Variants in KEAP1 observed in about 807,000 individuals in gnomAD.
KEAP1 encodes kelch like ECH associated protein 1, also known as kelch-like ECH-associated protein 1.
Under a neutral mutation model 59.7 loss-of-function variants are expected in KEAP1, and 26 were observed. The ratio of observed to expected loss-of-function variants is 0.44; its 90% CI spans 0.32 to 0.60. The LOEUF is 0.60. KEAP1 is among the 20% of genes least tolerant of loss of function. The pLI, the probability that KEAP1 is intolerant of heterozygous loss-of-function variation, is 0.06. For missense variants in KEAP1, 539 were observed against 871.4 expected (o/e 0.62, Z 4.80); for synonymous variants, 350 against 358.3 (o/e 0.98, Z 0.26).
At chr19:10,498,603 T>C (rs1218803474) in intron 2 of KEAP1, among the ~76,000 whole-genome samples, 2 of 152,124 alleles carry the variant, frequency 1.3e-5, no homozygotes, top group Non-Finnish European at 2.9e-5. Flanking sequence ...AAAGAAAACA[T>C]GACTAAGGTT....
At chr19:10,497,642 G>A (rs1441684893) in intron 2 of KEAP1, among the ~76,000 whole-genome samples, 3 of 152,132 alleles carry the variant, frequency 2.0e-5, no homozygotes, top group Admixed American at 6.5e-5. Context: ...CCAACACTAC[G>A]GGAGGCCAAA....
rs898667584 is a variant in KEAP1, at chr19:10,489,061, C to T, written c.1708+131G>A. The T allele has an allele frequency of 8.5e-5, 68 of 796,022 alleles. No homozygotes were observed. In the African/African-American group the frequency reaches 1.1e-3, roughly 12 times the overall value. 49.3% of individuals were successfully genotyped at this position (796,022 alleles called of 1,614,324 possible). ...AGCGAGCTGTGATCACACCACTGCA[C>T]TCCAGCTGGGCAACAGAGCGAGACC... On this transcript the variant is annotated intron_variant, in intron 5 of 5. Coordinates refer to ENST00000171111, the MANE Select transcript of KEAP1 (RefSeq NM_203500.2).
intron 5 of KEAP1, among the ~76,000 whole-genome samples, chr19:10,488,147 C>A (rs985929511): frequency 1.3e-5 from 2 of 151,470 alleles, no homozygotes; most frequent in South Asian, 4.2e-4. Context: ...ATTAGCTAGG[C>A]GTGGTGGCAC....
At position 10,499,156 on chromosome 19, in the gene KEAP1, G is replaced by A. The variant is rs1189696728; in HGVS notation, c.639+239C>T. On this transcript the variant is annotated intron_variant, in intron 2 of 5. Transcript: ENST00000171111. The surrounding 1 kb of genome is among the most constrained non-coding windows in gnomAD (Gnocchi z 6.7). ...GGCCCCAGTTGTTTTTTGTTTGTGTGTTTGTTTGTTTAGAGACAGGGTGTC... is the reference window on the plus strand; with the variant it reads ...GGCCCCAGTTGTTTTTTGTTTGTGTATTTGTTTGTTTAGAGACAGGGTGTC... Among the ~76,000 whole-genome samples, 1 of 151,988 alleles carries A rather than the reference G, an allele frequency of 6.6e-6. No individual in the cohort carries two copies. Among genetic ancestry groups the A allele is most frequent in the African/African-American group, 2.4e-5 (1 of 41,388 alleles).
At chr19:10,498,622 C>G (rs1266055328) in intron 2 of KEAP1, among the ~76,000 whole-genome samples, 1 of 152,184 alleles carries the variant, frequency 6.6e-6, no homozygotes, top group African/African-American at 2.4e-5. Flanking sequence ...TTCAGACTTA[C>G]AGCTTGCAGC....
chr19:10,496,695 G>A lies in KEAP1; in HGVS notation c.639+2700C>T, dbSNP rs144161253. Among the ~76,000 whole-genome samples, 747 of 151,594 alleles carry A rather than the reference G, an allele frequency of 4.9e-3. 10 individuals are homozygous for A. The highest frequency in any genetic ancestry group is 0.022 in the East Asian group (114 of 5,152). ...GCACCCCTGTAATCCCAGCTACTTC[G>A]GAGGCTGAGGCATGAGAATCGCTTG... On this transcript the variant is annotated intron_variant, in intron 2 of 5. Transcript: ENST00000171111.
Position 10,491,735 on chromosome 19 carries a change from G to A in KEAP1, c.1167C>T (p.Asp389=), listed in dbSNP as rs1464254910. ...GGTTGTAACAGTCCAGGGCGCTGGA[G>A]TCGGTGTTGCCGTCGGGCGAGTTGT... The part of the protein sequence containing the change: ...GRNNSPDGNT[D]SSALDCYNPM... Residue 389 remains aspartate, a synonymous_variant, in exon 3 of 6, where the codon GAC becomes GAT. Coordinates refer to ENST00000171111, the MANE Select transcript of KEAP1 (RefSeq NM_203500.2). The surrounding 1 kb of genome is among the most constrained non-coding windows in gnomAD (Gnocchi z 5.2). 1 of 1,568,660 alleles carries A rather than the reference G, an allele frequency of 6.4e-7. No individual in the cohort carries two copies. The highest frequency in any genetic ancestry group is 2.3e-5 in the East Asian group (1 of 42,626).
chr19:10,490,061 G>A (rs1914616746), intron 3 of KEAP1, among the ~76,000 whole-genome samples: 1 of 151,952 alleles, frequency 6.6e-6, no homozygotes, highest in African/African-American at 2.4e-5. Context: ...AGACCAGCCT[G>A]GCCAACATGG....
chr19:10,495,130 T>C (rs1914810511), intron 2 of KEAP1, among the ~76,000 whole-genome samples: 1 of 151,818 alleles, frequency 6.6e-6, no homozygotes, highest in South Asian at 2.1e-4. Context: ...CCCGGCTAAT[T>C]TTTGTATTTT....
intron 5 of KEAP1, among the ~76,000 whole-genome samples, chr19:10,488,324 A>G (rs1305074357): frequency 1.3e-5 from 2 of 151,260 alleles, no homozygotes; most frequent in African/African-American, 4.9e-5. Flanking sequence ...AATAAACAAA[A>G]ACATTAAGCT....
chr19:10,497,106 AGAGT>A (rs1914876737), intron 2 of KEAP1, among the ~76,000 whole-genome samples: 1 of 151,254 alleles, frequency 6.6e-6, no homozygotes. Context: ...CCTGGGTGAC[AGAGT>A]GAGACTCCGT....
chr19:10,491,797 C>G lies in KEAP1; in HGVS notation c.1105G>C (p.Val369Leu), dbSNP rs2144598978. The G allele has an allele frequency of 3.8e-6, 6 of 1,590,528 alleles. No homozygotes were observed. Among genetic ancestry groups the G allele is most frequent in the Non-Finnish European group, 5.1e-6 (6 of 1,168,854 alleles). ...ACGGCGTACAACAGCCCGCCCACCA[C>G]GCAGCCGGCCAGGCCGCTCCGCGGC... is the stretch of plus-strand genomic sequence containing the variant. Reference protein sequence around the residue: ...QVPRSGLAGCVVGGLLYAVGG... With the variant: ...QVPRSGLAGCLVGGLLYAVGG... Residue 369 changes from valine (V) to leucine (L), a missense_variant, in exon 3 of 6, where the codon GTG becomes CTG. Physicochemically the swap from Val to Leu is conservative, Grantham distance 32. Transcript: ENST00000171111. The surrounding 1 kb of genome is among the most constrained non-coding windows in gnomAD (Gnocchi z 5.2).
intron 2 of KEAP1, among the ~76,000 whole-genome samples, chr19:10,496,751 G>A (rs550030545): frequency 4.3e-4 from 65 of 151,596 alleles, no homozygotes; most frequent in African/African-American, 1.3e-3. Context: ...GCAGTGAGCC[G>A]AAATCTTGCC....
In KEAP1 at chr19:10,489,240, G is replaced by A. The variant is rs946921406; in HGVS notation, c.1660C>T (p.Arg554Ter). Residue 554 changes from arginine to a stop codon, truncating the protein, a stop_gained, in exon 5 of 6, where the codon CGA becomes TGA. Coordinates refer to ENST00000171111, the MANE Select transcript of KEAP1 (RefSeq NM_203500.2). LOFTEE classifies it high-confidence loss of function. ...TGGACAGTGATCCCCAGGGCACTTCGCCGGTGCTTCATGGGGGCTACGAAA... is the reference window on the plus strand; with the variant it reads ...TGGACAGTGATCCCCAGGGCACTTCACCGGTGCTTCATGGGGGCTACGAAA... ...WTFVAPMKHR[R>*]SALGITVHQG... 1.9e-6 allele frequency: 3 copies of A among 1,612,414 alleles called. No individual in the cohort carries two copies. The highest frequency in any genetic ancestry group is 1.3e-5 in the African/African-American group (1 of 74,816).
At position 10,486,355 on chromosome 19, in the gene KEAP1, G is replaced by C. The variant is rs1914461416; in HGVS notation, c.*297C>G. ...TGACAGCTGCCGGCATGGGTGAGTGGGACCCAGGCCTATTACCCGGCCAGA... is the reference window on the plus strand; with the variant it reads ...TGACAGCTGCCGGCATGGGTGAGTGCGACCCAGGCCTATTACCCGGCCAGA... On this transcript the variant is annotated 3_prime_UTR_variant, in exon 6 of 6. Coordinates refer to ENST00000171111, the MANE Select transcript of KEAP1 (RefSeq NM_203500.2). 2 of 324,804 alleles carry C rather than the reference G, an allele frequency of 6.2e-6. No individual in the cohort carries two copies. The highest frequency in any genetic ancestry group is 1.2e-4 in the South Asian group (2 of 16,220). 20.1% of individuals were successfully genotyped at this position (324,804 alleles called of 1,614,324 possible).
chr19:10,497,608 G>C (rs934578374), intron 2 of KEAP1, among the ~76,000 whole-genome samples: 1 of 152,202 alleles, frequency 6.6e-6, no homozygotes, highest in African/African-American at 2.4e-5. Flanking sequence ...CCTGGTGTTG[G>C]TATGGTGCTT....
intron 1 of KEAP1, 69 bp from the exon 2 acceptor site, chr19:10,500,149 T>G (rs1914992074): frequency 8.5e-7 from 1 of 1,176,938 alleles, no homozygotes; most frequent in South Asian, 1.7e-5. Flanking sequence ...GGGCCTCGTT[T>G]TGCAAGATAA....
intron 4 of KEAP1, 121 bp from the exon 5 acceptor site, chr19:10,489,489 G>T: frequency 7.9e-7 from 1 of 1,262,498 alleles, no homozygotes; most frequent in Non-Finnish European, 1.1e-6. Flanking sequence ...AAATGAAGCG[G>T]GGAGAGAGAG....
In KEAP1 at chr19:10,489,193, A is replaced by G. The variant is rs1914581430; in HGVS notation, c.1707T>C (p.Leu569=). 1 of 1,610,824 alleles carries G rather than the reference A, an allele frequency of 6.2e-7. No homozygotes were observed. Among genetic ancestry groups the G allele is most frequent in the South Asian group, 1.1e-5 (1 of 90,936 alleles). Residue 569 remains leucine, a splice_region_variant and synonymous_variant, in exon 5 of 6, where the codon CTT becomes CTC. Transcript: ENST00000171111. ...ITVHQGRIYV[L]GGYDGHTFLD... ...TCTTCCCCGCCCCCAGGGCCTCACCAAGGACGTAGATTCTCCCCTGGTGGA... is the reference window on the plus strand; with the variant it reads ...TCTTCCCCGCCCCCAGGGCCTCACCGAGGACGTAGATTCTCCCCTGGTGGA...
Sources: gnomAD v4.1 joint callset for allele counts (sites outside exome capture counted in the v4.1 genomes callset) on GRCh38, gnomAD v4.1.1 for gene constraint, Gnocchi (gnomAD v3.1) non-coding constraint, MANE v1.5 for transcripts, NCBI Gene and HGNC (gene_info 2026-07-23, HGNC 2026-07-21) for gene names.